Variants in PNPLA7 observed in about 807,000 individuals in gnomAD.
PNPLA7 encodes patatin like domain 7, lysophospholipase.
In PNPLA7, 153 loss-of-function variants were observed where a neutral mutation model predicts 161.7. The ratio of observed to expected loss-of-function variants is 0.95; its 90% CI spans 0.83 to 1.08. The LOEUF is 1.08. Among genes scored for constraint, PNPLA7 ranks in the 50% least tolerant of loss-of-function variants. PNPLA7 has a pLI of 0.00. For synonymous variants in PNPLA7, 809 were observed against 782.1 expected, an observed-to-expected ratio of 1.03 and a Z score of -0.57; for missense variants, 1,739 against 1,856.6, an observed-to-expected ratio of 0.94 and a Z score of 1.16.
At position 137,506,038 on chromosome 9, in the gene PNPLA7, C is replaced by T. The variant is rs145427614; in HGVS notation, c.1271G>A (p.Arg424His). Residue 424 changes from arginine to histidine, a missense_variant, in exon 13 of 35, where the codon CGT (arginine) becomes CAT (histidine). Around this residue, in one of 6 missense-constraint regions of PNPLA7, gnomAD observed 481 missense variants for 450.0 expected, o/e 1.07. Transcript: ENST00000406427. ...ATSDLGMACDRARVFLHSDEH... is the reference protein window; with the variant it reads ...ATSDLGMACDHARVFLHSDEH... The stretch of plus-strand genomic sequence containing the variant: ...GTCCGAGTGCAGGAAGACCCTGGCA[C>T]GGTCACATGCCATCCCCAGATCAGA... 3.2e-5 allele frequency: 51 copies of T among 1,613,046 alleles called. No individual in the cohort carries two copies. The highest frequency in any genetic ancestry group is 1.7e-4 in the Middle Eastern group (1 of 6,060).
intron 14 of PNPLA7, among the ~76,000 whole-genome samples, chr9:137,503,998 A>AG (rs1833748242): frequency 2.7e-5 from 1 of 37,520 alleles, no homozygotes; most frequent in South Asian, 8.9e-4. Flanking sequence ...AGAAGCAAGA[A>AG]GAAGAAAGAA....
intron 4 of PNPLA7, among the ~76,000 whole-genome samples, chr9:137,546,582 G>A (rs1235025986): frequency 6.6e-6 from 1 of 152,174 alleles, no homozygotes; most frequent in Non-Finnish European, 1.5e-5. Flanking sequence ...GGGAGTAGAG[G>A]CCTGAGAGGG....
chr9:137,481,489 G>A (rs1832217697), intron 21 of PNPLA7, among the ~76,000 whole-genome samples: 1 of 152,202 alleles, frequency 6.6e-6, no homozygotes, highest in Non-Finnish European at 1.5e-5. Flanking sequence ...CATGGGCACG[G>A]CTGTCAGGGC....
chr9:137,480,723 G>A (rs920132208), intron 22 of PNPLA7: 13 of 717,852 alleles, frequency 1.8e-5, no homozygotes, highest in African/African-American at 3.6e-5. Context: ...AGTGAGACCC[G>A]GGGCTGCCCA....
At position 137,484,714 on chromosome 9, in the gene PNPLA7, C is replaced by T. The variant is rs749494123; in HGVS notation, c.2220G>A (p.Thr740=). 6 of 1,610,782 alleles carry T rather than the reference C, an allele frequency of 3.7e-6. No individual in the cohort carries two copies. In the South Asian group the frequency reaches 5.5e-5, roughly 15 times the overall value. Residue 740 remains threonine, a synonymous_variant, in exon 21 of 35, where the codon ACG becomes ACA. Coordinates refer to ENST00000406427, the MANE Select transcript of PNPLA7 (RefSeq NM_001098537.3). ...TCCCCAAGTCCCACTTGCTGCCCTCCGTGGGGAGCCCAAGCTGGTGGCCTG... is the reference window on the plus strand; with the variant it reads ...TCCCCAAGTCCCACTTGCTGCCCTCTGTGGGGAGCCCAAGCTGGTGGCCTG... ...PVTGHQLGLP[T]EGSKWDLGNP...
At position 137,519,088 on chromosome 9, in the gene PNPLA7, C is replaced by A. The variant is rs140735657; in HGVS notation, c.1084+829G>T. On this transcript the variant is annotated intron_variant, in intron 11 of 34. Transcript: ENST00000406427. Reference sequence around the variant, plus strand: ...CATTCCACTCTGTCCACTCCATCCCCCACTCACTCACTCCACTCTGCTCAC... The same window carrying A: ...CATTCCACTCTGTCCACTCCATCCCACACTCACTCACTCCACTCTGCTCAC... 7.3e-5 allele frequency among the ~76,000 whole-genome samples: 11 copies of A among 151,136 alleles called. No individual in the cohort carries two copies. The East Asian group carries it at 1.8e-3, about 24-fold the overall frequency.
chr9:137,492,935 G>T, intron 20 of PNPLA7, 78 bp downstream of exon 20: 1 of 1,318,374 alleles, frequency 7.6e-7, no homozygotes, highest in Non-Finnish European at 1.1e-6. Context: ...GGGAGGGCGG[G>T]GCCATGGGCT....
intron 25 of PNPLA7, among the ~76,000 whole-genome samples, chr9:137,474,975 G>A (rs1327115387): frequency 2.5e-5 from 3 of 119,900 alleles, no homozygotes; most frequent in South Asian, 2.6e-4. Flanking sequence ...GAGCCGAGCC[G>A]AGATCGCTCA....
Position 137,534,517 on chromosome 9 carries a change from C to A in PNPLA7, c.747+6125G>T, listed in dbSNP as rs182978244. ...CCCAGACTCCTCCCCCTCCTCCAACCCAGTGCCACCACAGCAGAACATACG... is the reference window on the plus strand; with the variant it reads ...CCCAGACTCCTCCCCCTCCTCCAACACAGTGCCACCACAGCAGAACATACG... On this transcript the variant is annotated intron_variant, in intron 8 of 34. Coordinates refer to ENST00000406427, the MANE Select transcript of PNPLA7 (RefSeq NM_001098537.3). Among the ~76,000 whole-genome samples the A allele has an allele frequency of 6.9e-3, 1,052 of 152,342 alleles. 7 individuals are homozygous for A. The highest frequency in any genetic ancestry group is 0.012 in the Non-Finnish European group (796 of 68,034).
chr9:137,496,249 A>G (rs990205258), intron 18 of PNPLA7, among the ~76,000 whole-genome samples: 24 of 151,150 alleles, frequency 1.6e-4, no homozygotes, highest in Non-Finnish European at 3.5e-4. Context: ...CTGGGATTAC[A>G]GGCACCCGCC....
At position 137,497,340 on chromosome 9, in the gene PNPLA7, T is replaced by C. The variant is rs117132960; in HGVS notation, c.1890-30A>G. ...GGAAGACACAGAGGCCCTGCAGCCCTGGGCCCCCAGCCTCAGCCTCCACAC... is the reference window on the plus strand; with the variant it reads ...GGAAGACACAGAGGCCCTGCAGCCCCGGGCCCCCAGCCTCAGCCTCCACAC... On this transcript the variant is annotated intron_variant, in intron 17 of 34. Coordinates refer to ENST00000406427, the MANE Select transcript of PNPLA7 (RefSeq NM_001098537.3). 4,208 of 1,500,842 alleles carry C rather than the reference T, an allele frequency of 2.8e-3. 126 individuals carry two copies. The South Asian group carries it at 0.043, about 15-fold the overall frequency. The allele number at this position is 1,500,842 out of a possible 1,614,324, so 93.0% of individuals were successfully genotyped here. A position where few individuals can be genotyped will look rare whatever the true frequency, so the allele number is the denominator to read the frequency against.
rs71510828 is a variant in PNPLA7, at chr9:137,501,132, C to T, written c.1552-236G>A. Among the ~76,000 whole-genome samples, 615 of 152,320 alleles carry T rather than the reference C, an allele frequency of 4.0e-3. 6 individuals are homozygous for T. Among genetic ancestry groups the T allele is most frequent in the African/African-American group, 0.014 (578 of 41,580 alleles). The stretch of plus-strand genomic sequence containing the variant: ...GGGCTCCGTGCAGCGAGCCGGGCCT[C>T]GGACCTGCACACCTTCCCTCCCGGC... On this transcript the variant is annotated intron_variant, in intron 15 of 34. Coordinates refer to ENST00000406427, the MANE Select transcript of PNPLA7 (RefSeq NM_001098537.3).
Position 137,520,764 on chromosome 9 carries a change from G to GA in PNPLA7, c.958-722dup, listed in dbSNP as rs1294953987. The stretch of plus-strand genomic sequence containing the variant: ...CCAGGGTCACACCGCCAGGAGGAGG[G>GA]AGAGCCGGGGTTGACAGCCTTGTGC... On this transcript the variant is annotated intron_variant, in intron 10 of 34. Transcript: ENST00000406427. The surrounding 1 kb of genome is among the most constrained non-coding windows in gnomAD (Gnocchi z 5.2). Among the ~76,000 whole-genome samples, 1 of 152,238 alleles carries GA rather than the reference G, an allele frequency of 6.6e-6. No homozygotes were observed. The highest frequency in any genetic ancestry group is 1.5e-5 in the Non-Finnish European group (1 of 68,040).
chr9:137,544,975 C>T (rs149923377), intron 4 of PNPLA7, among the ~76,000 whole-genome samples: 145 of 151,922 alleles, frequency 9.5e-4, no homozygotes, highest in African/African-American at 3.3e-3. Flanking sequence ...ATGAAGAACA[C>T]GAATTAGTTG....
Position 137,484,764 on chromosome 9 carries a change from G to A in PNPLA7, c.2198-28C>T, listed in dbSNP as rs114882156. The A allele has an allele frequency of 6.8e-4, 1,068 of 1,578,514 alleles. 6 individuals carry two copies. The African/African-American group carries it at 0.013, about 19-fold the overall frequency. On this transcript the variant is annotated intron_variant, in intron 20 of 34. Transcript: ENST00000406427. ...GTGGAGCAAAGGACCCACGTCAGCT[G>A]GGACAGCCCACACGCTCACAGATGC...
rs898601769 is a variant in PNPLA7, at chr9:137,543,843, C to A, written c.274-28G>T. 3 of 1,590,880 alleles carry A rather than the reference C, an allele frequency of 1.9e-6. No individual in the cohort carries two copies. Among genetic ancestry groups the A allele is most frequent in the Non-Finnish European group, 2.6e-6 (3 of 1,159,498 alleles). ...GCAGAGCCAAGGGAGAGACCAGCCA[C>A]TGACCCTGCAAGCCGCAAGGTCCAA... On this transcript the variant is annotated intron_variant, in intron 4 of 34. Coordinates refer to ENST00000406427, the MANE Select transcript of PNPLA7 (RefSeq NM_001098537.3). This position sits in a 1 kb window ranked among gnomAD's most constrained non-coding sequence, Gnocchi z 6.9.
chr9:137,464,623 G>A (rs757825743), intron 26 of PNPLA7, 167 bp from the exon 27 acceptor site: 16 of 654,528 alleles, frequency 2.4e-5, no homozygotes, highest in Non-Finnish European at 4.3e-5. Flanking sequence ...GCCTCAGAGT[G>A]AGCAGAGGCT....
At chr9:137,512,652 A>G (rs1273876208) in intron 12 of PNPLA7, among the ~76,000 whole-genome samples, 1 of 152,238 alleles carries the variant, frequency 6.6e-6, no homozygotes, top group Admixed American at 6.5e-5. Context: ...TAAACAAACA[A>G]CAACTGGGCC....
chr9:137,484,530 G>A lies in PNPLA7; in HGVS notation c.2347+57C>T, dbSNP rs550895181. 513 of 1,497,060 alleles carry A rather than the reference G, an allele frequency of 3.4e-4. 1 individual carries two copies. The African/African-American group carries it at 5.8e-3, about 17-fold the overall frequency. The allele number at this position is 1,497,060 out of a possible 1,614,324, so 92.7% of individuals were successfully genotyped here. Reference sequence around the variant, plus strand: ...CGAAGACAGAGGGCAGCCGGCAGGCGCCCTCCACCAGGCCCAGAACCCAAG... The same window carrying A: ...CGAAGACAGAGGGCAGCCGGCAGGCACCCTCCACCAGGCCCAGAACCCAAG... On this transcript the variant is annotated intron_variant, in intron 21 of 34. Coordinates refer to ENST00000406427, the MANE Select transcript of PNPLA7 (RefSeq NM_001098537.3).
Sources: allele counts gnomAD v4.1 joint callset (sites outside exome capture counted in the v4.1 genomes callset), GRCh38; gene constraint gnomAD v4.1.1; regional missense constraint gnomAD v4.1.1; non-coding constraint Gnocchi (gnomAD v3.1); transcripts MANE v1.5; gene names NCBI Gene and HGNC (gene_info 2026-07-23, HGNC 2026-07-21).